Variants in ATP2B4 observed in about 807,000 individuals in gnomAD.
The protein encoded by ATP2B4 is ATPase plasma membrane Ca2+ transporting 4, also known as plasma membrane calcium-transporting ATPase 4.
ATP2B4 carries 39 observed loss-of-function variants against 110.3 expected under a neutral mutation model. The ratio of observed to expected loss-of-function variants is 0.35; its 90% CI spans 0.27 to 0.46. The LOEUF (loss-of-function observed/expected upper bound fraction) is 0.46, where lower values mean the gene tolerates loss of function less well. Ranked by LOEUF, ATP2B4 falls within the 20% of genes least tolerant of loss-of-function variation. ATP2B4 has a pLI of 1.00. For missense variants in ATP2B4, 1,135 were observed against 1,530.9 expected (o/e 0.74, Z 4.32); for synonymous variants, 538 against 571.7 (o/e 0.94, Z 0.84).
At chr1:203,709,179 T>C (rs1276151029) in intron 10 of ATP2B4, 122 bp from the exon 11 acceptor site, 3 of 1,354,272 alleles carry the variant, frequency 2.2e-6, no homozygotes, top group Non-Finnish European at 3.0e-6. Flanking sequence ...AAAAAAATGT[T>C]ATTTCCCCTA....
At chr1:203,725,904 C>CTTTT (rs756184004) in intron 19 of ATP2B4, among the ~76,000 whole-genome samples, 11,023 of 93,118 alleles carry the variant, frequency 0.12, 954 homozygotes, top group South Asian at 0.22. Flanking sequence ...CTTTTCTTTT[C>CTTTT]TTTTTTTTTT....
intron 2 of ATP2B4, among the ~76,000 whole-genome samples, chr1:203,692,922 CTT>C (rs59918172): frequency 0.011 from 1,684 of 152,324 alleles, 36 homozygotes; most frequent in African/African-American, 0.039. Flanking sequence ...TAAACATTCT[CTT>C]TGCCTCTCCC....
chr1:203,643,495 A>T (rs1216896954), intron 1 of ATP2B4, among the ~76,000 whole-genome samples: 1 of 152,232 alleles, frequency 6.6e-6, no homozygotes, highest in Non-Finnish European at 1.5e-5. Context: ...TGCTTTTCCC[A>T]GCACACACCC....
intron 1 of ATP2B4, among the ~76,000 whole-genome samples, chr1:203,651,856 G>A (rs1256329982): frequency 1.3e-5 from 2 of 151,636 alleles, no homozygotes; most frequent in African/African-American, 2.4e-5. Flanking sequence ...TCAGGAGTTC[G>A]AGACCAGTTT....
chr1:203,736,053 C>T (rs911187924), intron 20 of ATP2B4, among the ~76,000 whole-genome samples: 1 of 152,114 alleles, frequency 6.6e-6, no homozygotes, highest in Non-Finnish European at 1.5e-5. Flanking sequence ...ATTTTAAAAC[C>T]CTCTTTCCCA....
Position 203,727,527 on chromosome 1 carries a change from G to A in ATP2B4, c.3265G>A (p.Gly1089Ser). The change falls in exon 20 of 21, where the codon GGC (glycine) becomes AGC (serine). Residue 1089 changes from glycine to serine, a missense_variant. This residue lies in a region of ATP2B4 where 61 missense variants were observed against 123.4 expected (regional missense o/e 0.49). Transcript: ENST00000357681. Reference sequence around the variant, plus strand: ...CCATGCTGAGATGGAGCTGCGCCGAGGCCAGATCCTCTGGTTCCGGGGCCT... The same window carrying A: ...CCATGCTGAGATGGAGCTGCGCCGAAGCCAGATCCTCTGGTTCCGGGGCCT... ...IDHAEMELRR[G>S]QILWFRGLNR... 6.2e-7 allele frequency: 1 copy of A among 1,614,176 alleles called. No individual in the cohort carries two copies. The highest frequency in any genetic ancestry group is 1.1e-5 in the South Asian group (1 of 91,076).
At chr1:203,675,500 G>A (rs4951357) in intron 1 of ATP2B4, among the ~76,000 whole-genome samples, 112,454 of 152,046 alleles carry the variant, frequency 0.74, 42,365 homozygotes, top group Middle Eastern at 0.86. Flanking sequence ...ATGTAGCCAG[G>A]ACTAGATGAC....
At chr1:203,707,752 G>A (rs1571746511) in intron 9 of ATP2B4, 110 bp from the exon 10 acceptor site, 1 of 1,445,958 alleles carries the variant, frequency 6.9e-7, no homozygotes. Flanking sequence ...TTTTTGTGTG[G>A]GACTGGAAGA....
intron 13 of ATP2B4, 79 bp from the exon 14 acceptor site, chr1:203,713,086 C>A: frequency 6.7e-7 from 1 of 1,489,392 alleles, no homozygotes; most frequent in Non-Finnish European, 9.3e-7. Flanking sequence ...CCAGTGACTC[C>A]AAGTGTATGG....
At chr1:203,678,229 C>G (rs1449918484) in intron 1 of ATP2B4, among the ~76,000 whole-genome samples, 2 of 152,148 alleles carry the variant, frequency 1.3e-5, no homozygotes, top group Non-Finnish European at 2.9e-5. Context: ...TACAAGGTAT[C>G]ACTCTTTTTC....
intron 20 of ATP2B4, among the ~76,000 whole-genome samples, chr1:203,729,007 A>G (rs938873954): frequency 6.6e-6 from 1 of 151,936 alleles, no homozygotes; most frequent in Admixed American, 6.6e-5. Context: ...AGTCCCAGCT[A>G]CTTGGGAGGC....
chr1:203,721,170 A>G (rs1222905899), intron 16 of ATP2B4, 27 bp from the exon 17 acceptor site: 5 of 1,611,170 alleles, frequency 3.1e-6, no homozygotes, highest in South Asian at 1.1e-5. Flanking sequence ...GAGAAAAGCT[A>G]AAAGGACTGG....
intron 1 of ATP2B4, among the ~76,000 whole-genome samples, chr1:203,652,305 G>A (rs546896692): frequency 1.3e-5 from 2 of 151,952 alleles, no homozygotes; most frequent in South Asian, 4.2e-4. Flanking sequence ...CTCCATGCCC[G>A]GCTAATTTTT....
chr1:203,681,343 A>G (rs909584473), intron 1 of ATP2B4, among the ~76,000 whole-genome samples: 3 of 152,214 alleles, frequency 2.0e-5, no homozygotes, highest in African/African-American at 7.2e-5. Context: ...GAGATCATTG[A>G]TAAAAGAATC....
rs1418088867 is a variant in ATP2B4, at chr1:203,716,983, G to C, written c.2406+2706G>C. Among the ~76,000 whole-genome samples, 2 of 143,746 alleles carry C rather than the reference G, an allele frequency of 1.4e-5. 1 individual carries two copies. Among genetic ancestry groups the C allele is most frequent in the Non-Finnish European group, 3.1e-5 (2 of 64,638 alleles). 94.3% of individuals were successfully genotyped at this position (143,746 alleles called of 152,430 possible). A position where few individuals can be genotyped will look rare whatever the true frequency, so the allele number is the denominator to read the frequency against. ...TGGGAGGCTGAGGCAGGCAGATCAC[G>C]AGGTCAGGAGTTCAAGACCAGCCTG... On this transcript the variant is annotated intron_variant, in intron 15 of 20. Transcript: ENST00000357681.
intron 11 of ATP2B4, 130 bp downstream of exon 11, chr1:203,709,672 C>T: frequency 7.0e-7 from 1 of 1,421,172 alleles, no homozygotes. Flanking sequence ...AACTAATATC[C>T]AAGCGTCTAC....
chr1:203,658,560 G>A (rs1050337969), intron 1 of ATP2B4, among the ~76,000 whole-genome samples: 1 of 151,418 alleles, frequency 6.6e-6, no homozygotes, highest in Non-Finnish European at 1.5e-5. Context: ...AAAAAGAAAC[G>A]AAGACGGGAT....
intron 11 of ATP2B4, 150 bp downstream of exon 11, chr1:203,709,692 G>C: frequency 7.6e-7 from 1 of 1,308,854 alleles, no homozygotes. Flanking sequence ...CTCAGGCCAC[G>C]CATGTTTTTT....
At position 203,741,804 on chromosome 1, in the gene ATP2B4, T is replaced by G. The variant is rs1247276355; in HGVS notation, c.*1950T>G. ...GCTTCAATAATTCTTTTTTGTGTCT[T>G]AAATACTCATAGGGGAAAAAAACAG... On this transcript the variant is annotated 3_prime_UTR_variant, in exon 21 of 21. Coordinates refer to ENST00000357681, the MANE Select transcript of ATP2B4 (RefSeq NM_001684.5). 6.5e-6 allele frequency: 1 copy of G among 152,694 alleles called. No individual in the cohort carries two copies. Among genetic ancestry groups the G allele is most frequent in the Admixed American group, 6.5e-5 (1 of 15,290 alleles). 9.5% of individuals were successfully genotyped at this position (152,694 alleles called of 1,614,324 possible).
Sources: allele counts gnomAD v4.1 joint callset (sites outside exome capture counted in the v4.1 genomes callset), GRCh38; gene constraint gnomAD v4.1.1; regional missense constraint gnomAD v4.1.1; transcripts MANE v1.5; gene names NCBI Gene and HGNC (gene_info 2026-07-23, HGNC 2026-07-21).